LAMB4: variants seen among roughly 807,000 people sequenced by gnomAD.
LAMB4 encodes laminin subunit beta 4.
In LAMB4, 196 loss-of-function variants were observed where a neutral mutation model predicts 199.2. That is an observed-to-expected ratio of 0.98 (90% CI 0.88 to 1.11). The LOEUF is 1.11. Ranked by LOEUF, LAMB4 falls within the 50% of genes least tolerant of loss-of-function variation. The probability of loss-of-function intolerance (pLI) is 0.00; values close to 1 mark genes in which losing one functional copy is unlikely to be tolerated. For missense variants in LAMB4, 2,080 were observed against 2,171.2 expected, an observed-to-expected ratio of 0.96 and a Z score of 0.83; for synonymous variants, 744 against 770.6, an observed-to-expected ratio of 0.97 and a Z score of 0.57.
chr7:108,054,697 T>C (rs1584642681), intron 25 of LAMB4, among the ~76,000 whole-genome samples: 1 of 152,278 alleles, frequency 6.6e-6, no homozygotes, highest in South Asian at 2.1e-4. Context: ...ACTATGCCAT[T>C]GTAGAGAGTG....
At chr7:108,084,690 G>A (rs1418668281) in intron 14 of LAMB4, among the ~76,000 whole-genome samples, 2 of 151,532 alleles carry the variant, frequency 1.3e-5, no homozygotes, top group Admixed American at 6.6e-5. Context: ...CAGGAGTGCC[G>A]ATAGCCCCAA....
At chr7:108,111,318 G>A (rs995347386) in intron 4 of LAMB4, among the ~76,000 whole-genome samples, 13 of 152,224 alleles carry the variant, frequency 8.5e-5, no homozygotes, top group African/African-American at 2.4e-5. Flanking sequence ...ACTTCAGTCC[G>A]TAGCCAGCTA....
rs199791625 is a variant in LAMB4 at position 108,038,163 on chromosome 7, CTT to C, written c.4472-570_4472-569del. 1.3e-4 allele frequency among the ~76,000 whole-genome samples: 19 copies of C among 146,914 alleles called. No homozygotes were observed. The East Asian group carries it at 3.8e-3, about 29-fold the overall frequency. On this transcript the variant is annotated intron_variant, in intron 29 of 33. Coordinates refer to ENST00000388781, the MANE Select transcript of LAMB4 (RefSeq NM_007356.3). ...ATGTTAGTAGCATGTTATAAAGAAA[CTT>C]TTTTTTTTTTGAGACAGAGTCTCAC...
chr7:108,088,166 C>CTTTT (rs56403423), intron 14 of LAMB4, among the ~76,000 whole-genome samples: 1 of 146,052 alleles, frequency 6.8e-6, no homozygotes, highest in African/African-American at 2.5e-5. Context: ...TTGCTAAAAT[C>CTTTT]TTTTTTTTTT....
At chr7:108,084,970 C>T (rs1182794561) in intron 14 of LAMB4, among the ~76,000 whole-genome samples, 2 of 151,758 alleles carry the variant, frequency 1.3e-5, no homozygotes, top group South Asian at 2.1e-4. Context: ...AACTCCTGGG[C>T]TCAAGTAATC....
chr7:108,028,013 G>A (rs2034896813), intron 33 of LAMB4, among the ~76,000 whole-genome samples: 1 of 152,056 alleles, frequency 6.6e-6, no homozygotes, highest in Admixed American at 6.5e-5. Context: ...CAAACTCCTG[G>A]GGTCAAGCAG....
At chr7:108,033,735 ATTTTTTTTTTTT>A (rs556578520) in intron 31 of LAMB4, among the ~76,000 whole-genome samples, 1 of 102,078 alleles carries the variant, frequency 9.8e-6, no homozygotes, top group African/African-American at 3.3e-5. Flanking sequence ...TTGGATGAGT[ATTTTTTTTTTTT>A]TTTTTTTTTT....
chr7:108,117,028 C>A (rs78291694), intron 2 of LAMB4, among the ~76,000 whole-genome samples: 1,964 of 152,230 alleles, frequency 0.013, 64 homozygotes, highest in East Asian at 0.13. Context: ...CAGAGCAAGA[C>A]CCTATCTCAA....
intron 4 of LAMB4, among the ~76,000 whole-genome samples, chr7:108,111,606 A>C (rs2038226233): frequency 6.6e-6 from 1 of 152,216 alleles, no homozygotes; most frequent in African/African-American, 2.4e-5. Flanking sequence ...TGTGCTTAAA[A>C]TACATTTTGA....
intron 8 of LAMB4, among the ~76,000 whole-genome samples, chr7:108,105,609 A>G (rs961846493): frequency 2.0e-5 from 3 of 152,210 alleles, no homozygotes; most frequent in Non-Finnish European, 2.9e-5. Context: ...AATGATGTCC[A>G]TATGCTGCAG....
At chr7:108,033,524 T>C (rs1178443749) in intron 31 of LAMB4, among the ~76,000 whole-genome samples, 1 of 152,114 alleles carries the variant, frequency 6.6e-6, no homozygotes, top group South Asian at 2.1e-4. Flanking sequence ...TTCTGTTGCC[T>C]CAGCCTTCCA....
rs906202964 is a variant in LAMB4 at position 108,028,931 on chromosome 7, C to T, written c.5146+112G>A. On this transcript the variant is annotated intron_variant, in intron 33 of 33. Transcript: ENST00000388781. ...AGACCAATTTCTACTTCTCTCTCCT[C>T]AGTGGACCCAAGTGATAAAACTGTA... 12 of 998,800 alleles carry T rather than the reference C, an allele frequency of 1.2e-5. No individual in the cohort carries two copies. In the African/African-American group the frequency reaches 1.8e-4, roughly 15 times the overall value. The allele number at this position is 998,800 out of a possible 1,614,324, so 61.9% of individuals were successfully genotyped here.
At position 108,091,667 on chromosome 7, in the gene LAMB4, C is replaced by T. The variant is rs898724490; in HGVS notation, c.1660G>A (p.Glu554Lys). The change falls in exon 14 of 34, where the codon GAG becomes AAG. Residue 554 changes from glutamate (E) to lysine (K), a missense_variant. By Grantham distance (56) the Glu-to-Lys change is moderately conservative. Coordinates refer to ENST00000388781, the MANE Select transcript of LAMB4 (RefSeq NM_007356.3). ...FFAPLNFYLY[E>K]AEEATTLQGL... is the part of the protein sequence containing the mutation. The stretch of plus-strand genomic sequence containing the variant: ...TGGAGTGTTGTGGCTTCCTCTGCCT[C>T]GTAGAGATAGAAATTCAAAGGAGCA... 3.7e-6 allele frequency: 6 copies of T among 1,614,154 alleles called. No individual in the cohort carries two copies. The highest frequency in any genetic ancestry group is 2.5e-6 in the Non-Finnish European group (3 of 1,180,020).
chr7:108,023,560 T>G lies in LAMB4; in HGVS notation c.*479A>C, dbSNP rs931678819. ...GTATAAAAGCAAGTTGCATTTTGAATTGTATGCAGTTTATTCAGAAAAGAA... is the reference window on the plus strand; with the variant it reads ...GTATAAAAGCAAGTTGCATTTTGAAGTGTATGCAGTTTATTCAGAAAAGAA... On this transcript the variant is annotated 3_prime_UTR_variant, in exon 34 of 34. Coordinates refer to ENST00000388781, the MANE Select transcript of LAMB4 (RefSeq NM_007356.3). The G allele has an allele frequency of 6.6e-6, 1 of 152,254 alleles. No individual in the cohort carries two copies. Among genetic ancestry groups the G allele is most frequent in the Non-Finnish European group, 1.5e-5 (1 of 68,054 alleles). The allele number at this position is 152,254 out of a possible 1,614,324, so 9.4% of individuals were successfully genotyped here. A position where few individuals can be genotyped will look rare whatever the true frequency, so the allele number is the denominator to read the frequency against.
intron 17 of LAMB4, among the ~76,000 whole-genome samples, chr7:108,074,720 C>A (rs2036640202): frequency 6.6e-6 from 1 of 152,134 alleles, no homozygotes; most frequent in South Asian, 2.1e-4. Context: ...TTGCATCTAT[C>A]AAACATCCTT....
intron 14 of LAMB4, among the ~76,000 whole-genome samples, chr7:108,086,772 T>C (rs1219173788): frequency 6.6e-6 from 1 of 152,174 alleles, no homozygotes; most frequent in Non-Finnish European, 1.5e-5. Context: ...CAGAGTGCTG[T>C]CATGAACCAC....
chr7:108,018,269 C>T, the LAMB4 span, among the ~76,000 whole-genome samples: 1 of 152,220 alleles, frequency 6.6e-6, no homozygotes, highest in Non-Finnish European at 1.5e-5. Context: ...TTCTCTGTGC[C>T]TGTGGAGGCT....
At position 108,049,385 on chromosome 7, in the gene LAMB4, A is replaced by C. The variant is rs760429792; in HGVS notation, c.4063T>G (p.Leu1355Val). Residue 1355 changes from leucine to valine, a missense_variant, in exon 27 of 34, where the codon TTG becomes GTG. By Grantham distance (32) the Leu-to-Val change is conservative (BLOSUM62 1). Coordinates refer to ENST00000388781, the MANE Select transcript of LAMB4 (RefSeq NM_007356.3). ...ATCTGCTTTAATCTTTCCAATGACA[A>C]GTTTCCTTTTGAGGTTAGTGTATCT... ...ILDTLTSKGN[L>V]SLERLKQIKI... 1.8e-5 allele frequency: 28 copies of C among 1,592,178 alleles called. No individual in the cohort carries two copies. The highest frequency in any genetic ancestry group is 2.2e-5 in the Non-Finnish European group (26 of 1,162,152).
chr7:108,056,282 C>T (rs1303292515), intron 24 of LAMB4, among the ~76,000 whole-genome samples: 1 of 152,124 alleles, frequency 6.6e-6, no homozygotes, highest in East Asian at 1.9e-4. Context: ...GTGGGATCCT[C>T]ATCTATTTGA....
Sources: gnomAD v4.1 joint callset for allele counts (sites outside exome capture counted in the v4.1 genomes callset) on GRCh38, gnomAD v4.1.1 for gene constraint, MANE v1.5 for transcripts, NCBI Gene and HGNC (gene_info 2026-07-23, HGNC 2026-07-21) for gene names.